Variants in SOS2 observed in about 807,000 individuals in gnomAD.
SOS2 encodes son of sevenless homolog 2.
SOS2 carries 65 observed loss-of-function variants against 148.2 expected under a neutral mutation model. That is an observed-to-expected ratio of 0.44 (90% CI 0.36 to 0.54). SOS2 has a LOEUF of 0.54. SOS2 is among the 20% of genes least tolerant of loss of function. SOS2 has a pLI of 0.00. For missense variants in SOS2, 1,341 were observed against 1,590.2 expected (o/e 0.84, Z 2.67); for synonymous variants, 539 against 537.1 (o/e 1.00, Z -0.05).
intron 5 of SOS2, among the ~76,000 whole-genome samples, chr14:50,183,411 G>C (rs1038089319): frequency 2.5e-4 from 38 of 150,504 alleles, no homozygotes; most frequent in African/African-American, 9.0e-4. Context: ...AACAATATAA[G>C]AGTTAAGGGT....
At chr14:50,140,480 AG>A (rs1336723554) in intron 16 of SOS2, among the ~76,000 whole-genome samples, 1 of 152,246 alleles carries the variant, frequency 6.6e-6, no homozygotes, top group African/African-American at 2.4e-5. Context: ...ACAAAAATTT[AG>A]TGAATGAAGT....
intron 19 of SOS2, 143 bp downstream of exon 19, chr14:50,133,980 C>A (rs182891617): frequency 2.5e-5 from 16 of 636,882 alleles, no homozygotes; most frequent in Admixed American, 8.9e-5. Flanking sequence ...TTTCCCCCCC[C>A]AGTTTTAGAA....
rs151074097 is a variant in SOS2 at position 50,150,063 on chromosome 14, G to A, written c.2329C>T (p.Leu777Phe). The change falls in exon 14 of 23, where the codon CTT becomes TTT. Residue 777 changes from leucine (L) to phenylalanine (F), a missense_variant. Physicochemically the swap from Leu to Phe is conservative, Grantham distance 22 (BLOSUM62 0). Around this residue, in one of 4 missense-constraint regions of SOS2, gnomAD observed 408 missense variants for 506.6 expected, o/e 0.81. Transcript: ENST00000216373. Reference sequence around the variant, plus strand: ...TGACGTGCAATTTCTATTGGATGAAGTGTCATGAGATCAAATGTTTCAAAC... The same window carrying A: ...TGACGTGCAATTTCTATTGGATGAAATGTCATGAGATCAAATGTTTCAAAC... ...GQFETFDLMT[L>F]HPIEIARQLT... 8.1e-6 allele frequency: 13 copies of A among 1,613,888 alleles called. No homozygotes were observed. The African/African-American group carries it at 1.5e-4, about 18-fold the overall frequency.
At chr14:50,130,171 T>G (rs575402334) in intron 20 of SOS2, among the ~76,000 whole-genome samples, 169 bp from the exon 21 acceptor site, 1 of 152,342 alleles carries the variant, frequency 6.6e-6, no homozygotes, top group African/African-American at 2.4e-5. Context: ...TAGAATGGTT[T>G]TCCTTCTTAG....
chr14:50,193,032 T>G (rs1295433804), intron 4 of SOS2, among the ~76,000 whole-genome samples: 1 of 152,056 alleles, frequency 6.6e-6, no homozygotes, highest in Non-Finnish European at 1.5e-5. Context: ...TGTTGCCCAA[T>G]GGCACAATAA....
At chr14:50,174,669 C>A (rs544116913) in intron 7 of SOS2, 117 bp from the exon 8 acceptor site, 1 of 484,758 alleles carries the variant, frequency 2.1e-6, no homozygotes, top group East Asian at 3.2e-5. Flanking sequence ...AAAACTACAA[C>A]AGAATGCATA....
chr14:50,147,304 TCAAGAC>T (rs1267207812), intron 14 of SOS2, among the ~76,000 whole-genome samples: 2 of 151,948 alleles, frequency 1.3e-5, no homozygotes, highest in Non-Finnish European at 2.9e-5. Context: ...GAGGCCAAGA[TCAAGAC>T]CATCCTGGGC....
intron 4 of SOS2, among the ~76,000 whole-genome samples, chr14:50,192,545 G>A (rs1886176623): frequency 6.6e-6 from 1 of 151,964 alleles, no homozygotes; most frequent in Non-Finnish European, 1.5e-5. Context: ...GAAAGAGCAA[G>A]ACCTTGTCTT....
intron 1 of SOS2, among the ~76,000 whole-genome samples, chr14:50,212,512 G>A (rs1886908725): frequency 6.6e-6 from 1 of 152,140 alleles, no homozygotes; most frequent in Non-Finnish European, 1.5e-5. Flanking sequence ...CCACAAAAAC[G>A]GTTACCTTTT....
chr14:50,161,295 C>CA lies in SOS2; in HGVS notation c.1196+186dup, dbSNP rs113097888. On this transcript the variant is annotated intron_variant, in intron 9 of 22. Coordinates refer to ENST00000216373, the MANE Select transcript of SOS2 (RefSeq NM_006939.4). ...AGCCTGGGCAAGAGAGACTCCTTCTCAAAAAAAAAAAAAGGAAAGGAAAAG... is the reference window on the plus strand; with the variant it reads ...AGCCTGGGCAAGAGAGACTCCTTCTCAAAAAAAAAAAAAAGGAAAGGAAAAG... Among the ~76,000 whole-genome samples, 790 of 84,854 alleles carry CA rather than the reference C, an allele frequency of 9.3e-3. 3 individuals carry two copies. The highest frequency in any genetic ancestry group is 0.035 in the South Asian group (101 of 2,882). The allele number at this position is 84,854 out of a possible 152,430, so 55.7% of individuals were successfully genotyped here.
At chr14:50,226,939 C>T in intron 1 of SOS2, among the ~76,000 whole-genome samples, 1 of 152,194 alleles carries the variant, frequency 6.6e-6, no homozygotes, top group Non-Finnish European at 1.5e-5. Flanking sequence ...ATACACCATG[C>T]TCTTTTTTCC....
chr14:50,231,679 A>AGCGGCG (rs569943648), upstream of SOS2: 19 of 162,718 alleles, frequency 1.2e-4, no homozygotes, highest in South Asian at 3.3e-4. Context: ...GGCGGTGAGC[A>AGCGGCG]GCGGCGGCGG....
intron 8 of SOS2, among the ~76,000 whole-genome samples, chr14:50,173,672 CG>C (rs1167674015): frequency 1.3e-5 from 2 of 152,130 alleles, no homozygotes; most frequent in African/African-American, 4.8e-5. Flanking sequence ...CCACCCGCCT[CG>C]GCCTCCCAAA....
At chr14:50,202,669 A>C (rs1251911748) in intron 2 of SOS2, among the ~76,000 whole-genome samples, 1 of 152,182 alleles carries the variant, frequency 6.6e-6, no homozygotes, top group African/African-American at 2.4e-5. Context: ...CAGGAGTTCA[A>C]GGCTACAGTG....
chr14:50,137,252 A>T (rs1480587696), intron 18 of SOS2, among the ~76,000 whole-genome samples: 2 of 152,202 alleles, frequency 1.3e-5, no homozygotes, highest in Admixed American at 6.5e-5. Flanking sequence ...ATAGAACATC[A>T]ATCGACAGGA....
In SOS2 at chr14:50,132,233, T is replaced by C. The variant is rs768307631; in HGVS notation, c.3076-1471A>G. 6.0e-4 allele frequency among the ~76,000 whole-genome samples: 91 copies of C among 151,692 alleles called. 1 individual carries two copies. The highest frequency in any genetic ancestry group is 5.8e-4 in the East Asian group (3 of 5,158). On this transcript the variant is annotated intron_variant, in intron 19 of 22. Coordinates refer to ENST00000216373, the MANE Select transcript of SOS2 (RefSeq NM_006939.4). ...AAACCAAATCAGTCAAGAGCAAAGG[T>C]TGGCCAAGCACAGTGGCTCATGCCT...
chr14:50,194,822 G>A (rs550908151), intron 4 of SOS2, among the ~76,000 whole-genome samples: 5 of 150,086 alleles, frequency 3.3e-5, no homozygotes, highest in South Asian at 2.2e-4. Context: ...ATGGAGTCTC[G>A]CTCTGTCACC....
intron 1 of SOS2, among the ~76,000 whole-genome samples, chr14:50,220,990 A>T (rs577055794): frequency 3.6e-4 from 55 of 152,344 alleles, no homozygotes; most frequent in African/African-American, 1.0e-3. Context: ...CAGAACGTGA[A>T]ATTTTAAGAC....
intron 5 of SOS2, among the ~76,000 whole-genome samples, chr14:50,184,894 AG>A (rs1327248362): frequency 6.9e-6 from 1 of 144,016 alleles, no homozygotes; most frequent in East Asian, 2.0e-4. Context: ...AAAAAAGGGC[AG>A]GGGTGAGAGG....
Sources: allele counts gnomAD v4.1 joint callset (sites outside exome capture counted in the v4.1 genomes callset), GRCh38; gene constraint gnomAD v4.1.1; regional missense constraint gnomAD v4.1.1; transcripts MANE v1.5; gene names NCBI Gene and HGNC (gene_info 2026-07-23, HGNC 2026-07-21).